AOAH: variants seen among roughly 807,000 people sequenced by gnomAD.
The protein encoded by AOAH is acyloxyacyl hydrolase.
In AOAH, 64 loss-of-function variants were observed where a neutral mutation model predicts 92.2. The ratio of observed to expected loss-of-function variants is 0.69; its 90% confidence interval spans 0.57 to 0.86. The LOEUF is 0.86. Ranked by LOEUF, AOAH falls within the 40% of genes least tolerant of loss-of-function variation. The pLI is 0.00. For synonymous variants in AOAH, 263 were observed against 254.5 expected, an observed-to-expected ratio of 1.03 and a Z score of -0.32; for missense variants, 656 against 694.6, an observed-to-expected ratio of 0.94 and a Z score of 0.62.
chr7:36,687,848 C>T (rs187071295), intron 1 of AOAH, among the ~76,000 whole-genome samples: 20 of 152,216 alleles, frequency 1.3e-4, no homozygotes, highest in African/African-American at 3.6e-4. Flanking sequence ...TGGCTGATAA[C>T]GGATATGAAC....
At chr7:36,618,500 C>G (rs963588476) in intron 9 of AOAH, among the ~76,000 whole-genome samples, 155 bp from the exon 10 acceptor site, 6 of 152,216 alleles carry the variant, frequency 3.9e-5, no homozygotes, top group African/African-American at 1.4e-4. Flanking sequence ...TAGCAACGCC[C>G]TGTGCGAGCG....
Position 36,681,876 on chromosome 7 carries a change from G to A in AOAH, c.223+4823C>T, listed in dbSNP as rs377571807. Reference sequence around the variant, plus strand: ...ACCCTCAGAAAGCAGTTACCACAAAGCTAGGTATATCCATGAACCCCAATG... The same window carrying A: ...ACCCTCAGAAAGCAGTTACCACAAAACTAGGTATATCCATGAACCCCAATG... On this transcript the variant is annotated intron_variant, in intron 2 of 20. Coordinates refer to ENST00000617537, the MANE Select transcript of AOAH (RefSeq NM_001637.4). Among the ~76,000 whole-genome samples, 4 of 152,250 alleles carry A rather than the reference G, an allele frequency of 2.6e-5. No homozygotes were observed. In the East Asian group the frequency reaches 7.7e-4, roughly 29 times the overall value.
intron 5 of AOAH, among the ~76,000 whole-genome samples, chr7:36,637,091 C>T (rs544216979): frequency 2.0e-5 from 3 of 152,286 alleles, no homozygotes; most frequent in African/African-American, 7.2e-5. Flanking sequence ...GGCTGATTTG[C>T]AACCAGGGCC....
At chr7:36,526,901 C>T (rs1784422430) in intron 19 of AOAH, among the ~76,000 whole-genome samples, 1 of 152,186 alleles carries the variant, frequency 6.6e-6, no homozygotes. Context: ...CAAATGTATT[C>T]ATGGTGCGGG....
At chr7:36,713,911 A>C (rs1004348757) in intron 1 of AOAH, among the ~76,000 whole-genome samples, 1 of 152,240 alleles carries the variant, frequency 6.6e-6, no homozygotes, top group African/African-American at 2.4e-5. Context: ...ATCACAATTA[A>C]AAGAACTAGA....
chr7:36,558,065 T>G (rs1583815027), intron 13 of AOAH, among the ~76,000 whole-genome samples: 1 of 152,234 alleles, frequency 6.6e-6, no homozygotes, highest in Non-Finnish European at 1.5e-5. Flanking sequence ...GGCGCTCTGC[T>G]TTTTAGAGTT....
At position 36,592,023 on chromosome 7, in the gene AOAH, G is replaced by A. The variant is rs947466460; in HGVS notation, c.938+2316C>T. 2.0e-5 allele frequency among the ~76,000 whole-genome samples: 3 copies of A among 152,192 alleles called. 1 individual carries two copies. Among genetic ancestry groups the A allele is most frequent in the South Asian group, 4.2e-4 (2 of 4,812 alleles). On this transcript the variant is annotated intron_variant, in intron 12 of 20. Coordinates refer to ENST00000617537, the MANE Select transcript of AOAH (RefSeq NM_001637.4). ...ATTTCTTTTATGGCAACTTCATGGG[G>A]CCAAAAGGTAGTTGGGATTTATAGA...
At chr7:36,590,354 T>C (rs1583887391) in intron 12 of AOAH, among the ~76,000 whole-genome samples, 1 of 152,126 alleles carries the variant, frequency 6.6e-6, no homozygotes, top group Admixed American at 6.6e-5. Flanking sequence ...TGAATCACAC[T>C]GAAGAAAAAT....
At chr7:36,567,783 G>A (rs1056590791) in intron 13 of AOAH, among the ~76,000 whole-genome samples, 5 of 152,216 alleles carry the variant, frequency 3.3e-5, no homozygotes, top group African/African-American at 1.2e-4. Flanking sequence ...TACTGAGGAA[G>A]CAATTTTTTT....
intron 20 of AOAH, among the ~76,000 whole-genome samples, chr7:36,518,501 G>A (rs1237007259): frequency 3.9e-5 from 6 of 152,276 alleles, no homozygotes; most frequent in Admixed American, 6.5e-5. Flanking sequence ...TCCTCAGTAC[G>A]GGAGGATGGA....
At chr7:36,548,558 G>A in intron 15 of AOAH, 54 bp downstream of exon 15, 2 of 1,453,568 alleles carry the variant, frequency 1.4e-6, no homozygotes, top group Non-Finnish European at 1.9e-6. Flanking sequence ...AGGAGAGGGT[G>A]GGGAAGAGCC....
intron 2 of AOAH, among the ~76,000 whole-genome samples, chr7:36,677,699 T>G (rs1796343388): frequency 6.6e-6 from 1 of 152,128 alleles, no homozygotes; most frequent in Non-Finnish European, 1.5e-5. Flanking sequence ...AAATGTAAAC[T>G]CCTCAAATAC....
At chr7:36,528,859 C>G (rs1784533570) in intron 19 of AOAH, among the ~76,000 whole-genome samples, 1 of 152,212 alleles carries the variant, frequency 6.6e-6, no homozygotes, top group African/African-American at 2.4e-5. Context: ...ATCTCAGCTT[C>G]ACAAACCATT....
intron 13 of AOAH, among the ~76,000 whole-genome samples, chr7:36,553,224 G>T (rs1485897133): frequency 6.7e-6 from 1 of 149,370 alleles, no homozygotes; most frequent in South Asian, 2.1e-4. Flanking sequence ...GCGGTGTTTG[G>T]TTTTTTGTCC....
chr7:36,630,658 T>A (rs1405593718), intron 6 of AOAH, among the ~76,000 whole-genome samples: 1 of 152,052 alleles, frequency 6.6e-6, no homozygotes, highest in East Asian at 1.9e-4. Flanking sequence ...TTAAAACGTT[T>A]CAAGATGATT....
intron 13 of AOAH, among the ~76,000 whole-genome samples, chr7:36,561,454 T>C (rs984588715): frequency 5.9e-5 from 9 of 152,178 alleles, no homozygotes; most frequent in African/African-American, 2.2e-4. Flanking sequence ...TTCATAACAC[T>C]GAGTCCTCAG....
At chr7:36,702,065 C>T (rs1488781016) in intron 1 of AOAH, among the ~76,000 whole-genome samples, 3 of 152,096 alleles carry the variant, frequency 2.0e-5, no homozygotes, top group Admixed American at 1.3e-4. Context: ...GCTCCATCCT[C>T]ACCTTGTATT....
intron 12 of AOAH, among the ~76,000 whole-genome samples, chr7:36,583,582 G>A (rs887932779): frequency 1.3e-5 from 2 of 152,188 alleles, no homozygotes; most frequent in Admixed American, 1.3e-4. Context: ...AGCTAATTAT[G>A]CAGAGGTGAG....
intron 11 of AOAH, among the ~76,000 whole-genome samples, chr7:36,613,064 G>A (rs374465937): frequency 6.6e-6 from 1 of 152,046 alleles, no homozygotes; most frequent in East Asian, 1.9e-4. Flanking sequence ...ATTATGCTTA[G>A]AGAGACTGGA....
Sources: allele counts gnomAD v4.1 joint callset (sites outside exome capture counted in the v4.1 genomes callset), GRCh38; gene constraint gnomAD v4.1.1; transcripts MANE v1.5; gene names NCBI Gene and HGNC (gene_info 2026-07-23, HGNC 2026-07-21).